The following HAMP variants were observed in gnomAD, a reference collection of about 807,000 sequenced individuals.
HAMP encodes hepcidin.
Under a neutral mutation model 7.8 loss-of-function variants are expected in HAMP, and 5 were observed. The observed-to-expected ratio is 0.64, with a 90% confidence interval of 0.33 to 1.34. The LOEUF is 1.34. Among genes scored for constraint, HAMP ranks in the 40% most tolerant of loss-of-function variants. The probability of loss-of-function intolerance (pLI) is 0.05; values close to 1 mark genes in which losing one functional copy is unlikely to be tolerated. For missense variants in HAMP, 105 were observed against 104.1 expected, an observed-to-expected ratio of 1.01 and a Z score of -0.04; for synonymous variants, 52 against 38.6, an observed-to-expected ratio of 1.35 and a Z score of -1.28.
chr19:35,283,018 G>A (rs775131187), intron 1 of HAMP: 1 of 336,798 alleles, frequency 3.0e-6, no homozygotes, highest in Non-Finnish European at 5.9e-6. Flanking sequence ...CCGCAAGGTG[G>A]AGGTTGCACA....
Position 35,282,559 on chromosome 19 carries a change from C to A in HAMP, c.-19C>A. ...GCAAGCTCAAGACCCAGCAGTGGGA[C>A]AGCCAGACAGACGGCACGATGGCAC... On this transcript the variant is annotated 5_prime_UTR_variant, in exon 1 of 3. Transcript: ENST00000222304. The A allele has an allele frequency of 1.2e-6, 2 of 1,604,882 alleles. No homozygotes were observed. The highest frequency in any genetic ancestry group is 1.7e-6 in the Non-Finnish European group (2 of 1,171,590).
rs1362560513 is a variant in HAMP at position 35,282,581 on chromosome 19, G to A, written c.4G>A (p.Ala2Thr). 6.2e-7 allele frequency: 1 copy of A among 1,613,498 alleles called. No homozygotes were observed. Among genetic ancestry groups the A allele is most frequent in the South Asian group, 1.1e-5 (1 of 91,080 alleles). The change falls in exon 1 of 3, where the codon GCA (alanine) becomes ACA (threonine). Residue 2 changes from alanine to threonine, a missense_variant. Ala to Thr is a moderately conservative substitution (Grantham distance 58). Transcript: ENST00000222304. Reference sequence around the variant, plus strand: ...GGACAGCCAGACAGACGGCACGATGGCACTGAGCTCCCAGATCTGGGCCGC... The same window carrying A: ...GGACAGCCAGACAGACGGCACGATGACACTGAGCTCCCAGATCTGGGCCGC... M[A>T]LSSQIWAACL...
intron 1 of HAMP, chr19:35,284,548 A>C (rs2066317327): frequency 2.1e-5 from 12 of 582,468 alleles, no homozygotes; most frequent in Non-Finnish European, 2.8e-5. Context: ...AGGCAGGGGA[A>C]GGTGATATCC....
chr19:35,283,067 C>A (rs1447306922), intron 1 of HAMP: 1 of 287,668 alleles, frequency 3.5e-6, no homozygotes, highest in African/African-American at 2.2e-5. Flanking sequence ...AGCCTGGCAA[C>A]AGAGCAAGAC....
chr19:35,284,567 A>C, intron 1 of HAMP: 1 of 597,434 alleles, frequency 1.7e-6, no homozygotes, highest in South Asian at 2.0e-5. Flanking sequence ...CCCAAAGAAG[A>C]GTAGCAGCTG....
intron 2 of HAMP, 22 bp from the exon 3 acceptor site, chr19:35,284,916 C>T (rs2066319476): frequency 6.2e-7 from 1 of 1,608,644 alleles, no homozygotes; most frequent in Non-Finnish European, 8.5e-7. Flanking sequence ...GTTCCCTGCT[C>T]ACATTCCCTT....
In HAMP at chr19:35,282,641, A is replaced by G. The variant is rs1472424600; in HGVS notation, c.64A>G (p.Thr22Ala). ...LLLLLLLASLTSGSVFPQQTG... is the reference protein window; with the variant it reads ...LLLLLLLASLASGSVFPQQTG... ...GCTCCTCCTCCTCCTCGCCAGCCTG[A>G]CCAGTGGCTCTGTTTTCCCACAACA... The change falls in exon 1 of 3, where the codon ACC becomes GCC. Residue 22 changes from threonine to alanine, a missense_variant. Thr to Ala is a moderately conservative substitution (Grantham distance 58). Transcript: ENST00000222304. 6.2e-7 allele frequency: 1 copy of G among 1,614,072 alleles called. No homozygotes were observed. Among genetic ancestry groups the G allele is most frequent in the Non-Finnish European group, 8.5e-7 (1 of 1,179,976 alleles).
Position 35,285,011 on chromosome 19 carries a change from G to C in HAMP, c.224G>C (p.Arg75Pro), listed in dbSNP as rs756823291. ...ATTTTCTGCTGCGGCTGCTGTCATC[G>C]ATCAAAGTGTGGGATGTGCTGCAAG... ...ICIFCCGCCH[R>P]SKCGMCCKT The change falls in exon 3 of 3, where the codon CGA becomes CCA. Residue 75 changes from arginine (R) to proline (P), a missense_variant. By Grantham distance (103) the Arg-to-Pro change is moderately radical. Coordinates refer to ENST00000222304, the MANE Select transcript of HAMP (RefSeq NM_021175.4). The C allele has an allele frequency of 6.2e-7, 1 of 1,613,532 alleles. No homozygotes were observed. Among genetic ancestry groups the C allele is most frequent in the Admixed American group, 1.7e-5 (1 of 59,984 alleles).
rs776021649 is a variant in HAMP, at chr19:35,285,069, T to A, written c.*27T>A. The A allele has an allele frequency of 1.4e-6, 2 of 1,406,286 alleles. No individual in the cohort carries two copies. The highest frequency in any genetic ancestry group is 2.3e-5 in the South Asian group (2 of 86,952). The allele number at this position is 1,406,286 out of a possible 1,614,324, so 87.1% of individuals were successfully genotyped here. A position where few individuals can be genotyped will look rare whatever the true frequency, so the allele number is the denominator to read the frequency against. Reference sequence around the variant, plus strand: ...ACCTACCTGCCCTGCCCCCGTCCCCTCCCTTCCTTATTTATTCCTGCTGCC... The same window carrying A: ...ACCTACCTGCCCTGCCCCCGTCCCCACCCTTCCTTATTTATTCCTGCTGCC... On this transcript the variant is annotated 3_prime_UTR_variant, in exon 3 of 3. Transcript: ENST00000222304.
intron 1 of HAMP, 69 bp from the exon 2 acceptor site, chr19:35,284,720 T>C: frequency 2.6e-6 from 3 of 1,173,410 alleles, no homozygotes; most frequent in Non-Finnish European, 2.6e-6. Context: ...AGGAGCAGGT[T>C]GCCGGGAGCC....
rs761907472 is a variant in HAMP at position 35,284,788 on chromosome 19, G to A, written c.91-1G>A. 1.1e-5 allele frequency: 17 copies of A among 1,613,644 alleles called. No homozygotes were observed. The highest frequency in any genetic ancestry group is 1.4e-5 in the Non-Finnish European group (17 of 1,179,554). On this transcript the variant is annotated splice_acceptor_variant, in intron 1 of 2. Transcript: ENST00000222304. LOFTEE classifies it high-confidence loss of function. ...CTCTGCACCCCCTTCTGCTTTCACA[G>A]ACGGGACAACTTGCAGAGCTGCAAC... is the stretch of plus-strand genomic sequence containing the variant.
At chr19:35,283,402 C>T (rs2066312371) in intron 1 of HAMP, 1 of 152,794 alleles carries the variant, frequency 6.5e-6, no homozygotes. Flanking sequence ...GAGACAGGGT[C>T]TTCCTCTGTT....
intron 1 of HAMP, chr19:35,284,281 C>T (rs904715715): frequency 5.0e-5 from 9 of 180,566 alleles, no homozygotes; most frequent in Non-Finnish European, 1.1e-4. Flanking sequence ...CCCACCTCTA[C>T]AAAAAATTAA....
chr19:35,284,492 G>T, intron 1 of HAMP: 1 of 536,416 alleles, frequency 1.9e-6, no homozygotes. Context: ...ATGGATTGAG[G>T]GGCAAGAATG....
intron 1 of HAMP, chr19:35,283,176 G>C (rs1317422912): frequency 9.7e-6 from 2 of 206,004 alleles, no homozygotes; most frequent in Admixed American, 1.0e-4. Context: ...ACGCCGTGTG[G>C]AGTCTTATTC....
intron 1 of HAMP, chr19:35,283,140 A>G (rs1053098997): frequency 8.4e-6 from 2 of 239,506 alleles, no homozygotes; most frequent in Non-Finnish European, 1.7e-5. Flanking sequence ...GAAGGTCCTA[A>G]TTCCATGGGT....
chr19:35,283,932 T>A (rs2066314716), intron 1 of HAMP: 1 of 152,040 alleles, frequency 6.6e-6, no homozygotes, highest in Non-Finnish European at 1.5e-5. Context: ...GCAGCTGGGA[T>A]TACAGGCGGC....
intron 1 of HAMP, chr19:35,283,468 T>A (rs1409554637): frequency 6.6e-6 from 1 of 152,196 alleles, no homozygotes; most frequent in Non-Finnish European, 1.5e-5. Context: ...CAACCTCCTG[T>A]GCTCAAGCAA....
At chr19:35,283,047 A>T in intron 1 of HAMP, 1 of 312,888 alleles carries the variant, frequency 3.2e-6, no homozygotes, top group Non-Finnish European at 6.3e-6. Context: ...AGATTGCACC[A>T]CTGCACTCCA....
Sources: gnomAD v4.1 joint callset for allele counts on GRCh38, gnomAD v4.1.1 for gene constraint, MANE v1.5 for transcripts, NCBI Gene and HGNC (gene_info 2026-07-23, HGNC 2026-07-21) for gene names.